FAT3: variants seen among roughly 807,000 people sequenced by gnomAD.
FAT3 encodes the protein protocadherin Fat 3.
In FAT3, 95 loss-of-function variants were observed where a neutral mutation model predicts 310.2. The ratio of observed to expected loss-of-function variants is 0.31; its 90% CI spans 0.26 to 0.36. The LOEUF (loss-of-function observed/expected upper bound fraction) is 0.36. FAT3 is among the 10% of genes least tolerant of loss of function. The pLI, the probability that FAT3 is intolerant of heterozygous loss-of-function variation, is 1.00. For missense variants in FAT3, 5,408 were observed against 5,715.6 expected (o/e 0.95, Z 1.74); for synonymous variants, 2,314 against 2,192.9 (o/e 1.06, Z -1.54).
At chr11:92,556,456 T>C (rs897099148) in intron 3 of FAT3, among the ~76,000 whole-genome samples, 1 of 152,198 alleles carries the variant, frequency 6.6e-6, no homozygotes, top group Non-Finnish European at 1.5e-5. Flanking sequence ...GGTATGTTTT[T>C]ATCAAGTCCT....
At chr11:92,678,852 T>A (rs1052516676) in intron 3 of FAT3, among the ~76,000 whole-genome samples, 4 of 152,258 alleles carry the variant, frequency 2.6e-5, no homozygotes, top group African/African-American at 9.6e-5. Context: ...TTTTATTACA[T>A]GCATAGATTG....
chr11:92,572,703 G>A (rs1938246119), intron 3 of FAT3, among the ~76,000 whole-genome samples: 2 of 152,182 alleles, frequency 1.3e-5, no homozygotes. Context: ...AATTGAAATA[G>A]CTAGCTGCTG....
At chr11:92,547,376 C>T (rs999494682) in intron 3 of FAT3, among the ~76,000 whole-genome samples, 9 of 152,066 alleles carry the variant, frequency 5.9e-5, no homozygotes, top group Non-Finnish European at 1.2e-4. Context: ...TTGTGCCAGC[C>T]AAGCAAAACA....
At chr11:92,750,349 TA>T (rs1473742147) in intron 4 of FAT3, among the ~76,000 whole-genome samples, 7 of 151,974 alleles carry the variant, frequency 4.6e-5, no homozygotes, top group Non-Finnish European at 7.4e-5. Flanking sequence ...ATGGTCAGGA[TA>T]GGGGGAAGGT....
intron 1 of FAT3, among the ~76,000 whole-genome samples, chr11:92,228,128 A>G (rs951028566): frequency 6.6e-6 from 1 of 152,136 alleles, no homozygotes; most frequent in Non-Finnish European, 1.5e-5. Flanking sequence ...TGAATCACAC[A>G]GAGAACTCCA....
chr11:92,804,948 C>T (rs1947462226), intron 10 of FAT3, among the ~76,000 whole-genome samples: 1 of 152,164 alleles, frequency 6.6e-6, no homozygotes, highest in Non-Finnish European at 1.5e-5. Flanking sequence ...TGGAAAGTTA[C>T]TGTTTTGCTT....
intron 3 of FAT3, among the ~76,000 whole-genome samples, chr11:92,596,370 T>A (rs1787652595): frequency 6.6e-6 from 1 of 152,114 alleles, no homozygotes; most frequent in Admixed American, 6.5e-5. Flanking sequence ...GTCAACACAA[T>A]TTTATGTTCT....
chr11:92,601,516 A>T, intron 3 of FAT3, among the ~76,000 whole-genome samples: 1 of 152,154 alleles, frequency 6.6e-6, no homozygotes, highest in East Asian at 1.9e-4. Flanking sequence ...AATCACTTCA[A>T]CCCAGGAGAT....
At chr11:92,716,617 G>T (rs1295756564) in intron 4 of FAT3, among the ~76,000 whole-genome samples, 1 of 152,104 alleles carries the variant, frequency 6.6e-6, no homozygotes, top group Non-Finnish European at 1.5e-5. Context: ...AGTGTTTCTG[G>T]CACAGGTGAG....
chr11:92,508,804 C>T (rs578112299), intron 2 of FAT3, among the ~76,000 whole-genome samples: 21 of 152,162 alleles, frequency 1.4e-4, no homozygotes, highest in Admixed American at 3.3e-4. Context: ...GTTAGAGAGT[C>T]GGTATTAAAT....
chr11:92,846,290 G>C (rs1027295985), intron 19 of FAT3, among the ~76,000 whole-genome samples: 2 of 152,124 alleles, frequency 1.3e-5, no homozygotes, highest in Non-Finnish European at 2.9e-5. Flanking sequence ...ATCTGTGAAG[G>C]CAGCAATGTC....
rs1948645032 is a variant in FAT3, at chr11:92,844,747, G to T, written c.11365+15G>T. On this transcript the variant is annotated intron_variant, in intron 19 of 27. Coordinates refer to ENST00000525166, the MANE Select transcript of FAT3 (RefSeq NM_001367949.2). ...CACCTGCAATGGTGAGTGCAGTTTT[G>T]AGTGTTCCCTCTCAACTCCTGAGAT... The T allele has an allele frequency of 1.3e-6, 2 of 1,493,380 alleles. No homozygotes were observed. Among genetic ancestry groups the T allele is most frequent in the African/African-American group, 1.4e-5 (1 of 72,268 alleles). The allele number at this position is 1,493,380 out of a possible 1,614,324, so 92.5% of individuals were successfully genotyped here. A position where few individuals can be genotyped will look rare whatever the true frequency, so the allele number is the denominator to read the frequency against.
chr11:92,392,718 G>C (rs2134820502), intron 2 of FAT3, among the ~76,000 whole-genome samples: 1 of 152,148 alleles, frequency 6.6e-6, no homozygotes, highest in East Asian at 1.9e-4. Flanking sequence ...AGTAGTGCTA[G>C]ACTGTCATTG....
At chr11:92,778,740 A>T (rs1051366026) in intron 7 of FAT3, among the ~76,000 whole-genome samples, 2 of 152,096 alleles carry the variant, frequency 1.3e-5, no homozygotes, top group Non-Finnish European at 2.9e-5. Flanking sequence ...AAATTTCAGC[A>T]TGCAGCCCCC....
rs1953344749 is a variant in FAT3, at chr11:92,512,844, CGGG to C, written c.3293-11789_3293-11787del. The stretch of plus-strand genomic sequence containing the variant: ...AAACATCTAAGTTAAGATTATCGGC[CGGG>C]CGCGGTGGCTCACGCCTGTAATCCC... On this transcript the variant is annotated intron_variant, in intron 2 of 27. Transcript: ENST00000525166. Among the ~76,000 whole-genome samples the C allele has an allele frequency of 3.7e-3, 236 of 64,358 alleles. 4 individuals are homozygous for C. The highest frequency in any genetic ancestry group is 0.016 in the African/African-American group (219 of 14,010). The allele number at this position is 64,358 out of a possible 152,430, so 42.2% of individuals were successfully genotyped here. A position where few individuals can be genotyped will look rare whatever the true frequency, so the allele number is the denominator to read the frequency against.
At chr11:92,857,151 T>A in intron 19 of FAT3, 63 bp from the exon 20 acceptor site, 1 of 1,611,068 alleles carries the variant, frequency 6.2e-7, no homozygotes, top group Non-Finnish European at 8.5e-7. Flanking sequence ...CTTTTCTATC[T>A]TCCCTGGAGT....
chr11:92,668,013 C>G (rs1565498894), intron 3 of FAT3, among the ~76,000 whole-genome samples: 1 of 152,180 alleles, frequency 6.6e-6, no homozygotes, highest in African/African-American at 2.4e-5. Context: ...GCCTTGGGCT[C>G]TCCATTAGGA....
intron 1 of FAT3, among the ~76,000 whole-genome samples, chr11:92,342,605 C>T (rs930379647): frequency 7.2e-5 from 11 of 152,042 alleles, no homozygotes; most frequent in Non-Finnish European, 1.5e-4. Flanking sequence ...TACATTTTGC[C>T]CCCCGACTAT....
At chr11:92,401,943 T>G (rs930006434) in intron 2 of FAT3, among the ~76,000 whole-genome samples, 7 of 152,106 alleles carry the variant, frequency 4.6e-5, no homozygotes, top group Non-Finnish European at 1.0e-4. Context: ...CAACAAAAAT[T>G]TACAAGGCAT....
Sources: gnomAD v4.1 joint callset for allele counts (sites outside exome capture counted in the v4.1 genomes callset) on GRCh38, gnomAD v4.1.1 for gene constraint, MANE v1.5 for transcripts, NCBI Gene and HGNC (gene_info 2026-07-23, HGNC 2026-07-21) for gene names.